Variants in PMP22 observed in about 807,000 individuals in gnomAD.
The protein encoded by PMP22 is Charcot-Marie-Tooth neuropathy 1A (greatly reduced nerve conduction velocity, hereditary motor sensory neuropathy Ia).
In PMP22, 2 loss-of-function variants were observed where a neutral mutation model predicts 18.9. The observed-to-expected ratio is 0.11, with a 90% CI of 0.04 to 0.33. The LOEUF is 0.33. PMP22 is among the 10% of genes least tolerant of loss of function. The pLI is 1.00. For synonymous variants in PMP22, 95 were observed against 89.2 expected, an observed-to-expected ratio of 1.07 and a Z score of -0.37; for missense variants, 169 against 202.2, an observed-to-expected ratio of 0.84 and a Z score of 1.00.
At chr17:15,242,239 G>A (rs1180914097) in intron 3 of PMP22, among the ~76,000 whole-genome samples, 2 of 110,108 alleles carry the variant, frequency 1.8e-5, no homozygotes, top group Admixed American at 1.3e-4. Flanking sequence ...GGCACAGAGA[G>A]AGACTCTGTC....
In PMP22 at chr17:15,258,737, C is replaced by T. The variant is rs1952760484; in HGVS notation, c.178+357G>A. On this transcript the variant is annotated intron_variant, in intron 3 of 4. Coordinates refer to ENST00000312280, the MANE Select transcript of PMP22 (RefSeq NM_000304.4). This position sits in a 1 kb window ranked among gnomAD's most constrained non-coding sequence, Gnocchi z 4.1. Reference sequence around the variant, plus strand: ...AGAGACAGCCACCAAACCAAAGATACACGTTTGATCCAATGTCCCAAGGGG... The same window carrying T: ...AGAGACAGCCACCAAACCAAAGATATACGTTTGATCCAATGTCCCAAGGGG... The T allele has an allele frequency of 1.1e-5, 4 of 351,808 alleles. No homozygotes were observed. The highest frequency in any genetic ancestry group is 9.5e-5 in the South Asian group (4 of 42,250). 21.8% of individuals were successfully genotyped at this position (351,808 alleles called of 1,614,324 possible). A position where few individuals can be genotyped will look rare whatever the true frequency, so the allele number is the denominator to read the frequency against.
At chr17:15,232,857 G>A (rs1234410815) in intron 4 of PMP22, among the ~76,000 whole-genome samples, 6 of 152,266 alleles carry the variant, frequency 3.9e-5, no homozygotes, top group African/African-American at 2.4e-5. Flanking sequence ...GAAGTGCAGC[G>A]ACTAACTACA....
chr17:15,247,629 A>G (rs1033966418), intron 3 of PMP22, among the ~76,000 whole-genome samples: 2 of 152,202 alleles, frequency 1.3e-5, no homozygotes, highest in African/African-American at 2.4e-5. Context: ...AGGGCCTACA[A>G]CCTAGTGAGT....
At chr17:15,236,124 A>G (rs75522160) in intron 4 of PMP22, among the ~76,000 whole-genome samples, 4,838 of 151,568 alleles carry the variant, frequency 0.032, 248 homozygotes, top group African/African-American at 0.11. Context: ...GGTTGAAAGC[A>G]CTGAACTAAA....
At chr17:15,247,055 C>A in intron 3 of PMP22, among the ~76,000 whole-genome samples, 1 of 86,058 alleles carries the variant, frequency 1.2e-5, no homozygotes. Context: ...GGAAACAGAG[C>A]AAGACTCGTC....
At chr17:15,262,869 A>C in intron 1 of PMP22, among the ~76,000 whole-genome samples, 1 of 151,930 alleles carries the variant, frequency 6.6e-6, no homozygotes, top group Non-Finnish European at 1.5e-5. Context: ...CTCTGGGAAG[A>C]CCCAGCCAAA....
chr17:15,247,449 A>G (rs1247701661), intron 3 of PMP22, among the ~76,000 whole-genome samples: 3 of 152,218 alleles, frequency 2.0e-5, no homozygotes, highest in African/African-American at 7.2e-5. Flanking sequence ...AGAGCTGCTG[A>G]CAGCTTTCTG....
chr17:15,243,359 A>G (rs1414283400), intron 3 of PMP22, among the ~76,000 whole-genome samples: 1 of 152,104 alleles, frequency 6.6e-6, no homozygotes, highest in Non-Finnish European at 1.5e-5. Flanking sequence ...CATCCAAAAT[A>G]ATCTACAAAT....
chr17:15,256,279 A>G lies in PMP22; in HGVS notation c.178+2815T>C, dbSNP rs1378257204. 1.3e-5 allele frequency among the ~76,000 whole-genome samples: 2 copies of G among 152,186 alleles called. 1 individual carries two copies. Among genetic ancestry groups the G allele is most frequent in the Non-Finnish European group, 2.9e-5 (2 of 68,020 alleles). On this transcript the variant is annotated intron_variant, in intron 3 of 4. Coordinates refer to ENST00000312280, the MANE Select transcript of PMP22 (RefSeq NM_000304.4). ...AGGCCCCATTCATGTAGAAAACAAC[A>G]TGAGTGGCAACCCCCAGAGAGAGGT...
intron 1 of PMP22, 37 bp from the exon 2 acceptor site, chr17:15,260,798 T>C (rs1165872826): frequency 7.3e-7 from 1 of 1,362,250 alleles, no homozygotes; most frequent in African/African-American, 1.4e-5. Context: ...CCGAACGCAC[T>C]GGGCCGAGCG....
chr17:15,259,000 G>C lies in PMP22; in HGVS notation c.178+94C>G. 2 of 927,572 alleles carry C rather than the reference G, an allele frequency of 2.2e-6. No individual in the cohort carries two copies. Among genetic ancestry groups the C allele is most frequent in the Middle Eastern group, 5.2e-4 (2 of 3,838 alleles). 57.5% of individuals were successfully genotyped at this position (927,572 alleles called of 1,614,324 possible). On this transcript the variant is annotated intron_variant, in intron 3 of 4. Transcript: ENST00000312280. This position sits in a 1 kb window ranked among gnomAD's most constrained non-coding sequence, Gnocchi z 4.1. ...ACCCCACCCCAGCAACGACATTCTG[G>C]CTTGTGTCTTCCAATAAGCGTTTCC...
intron 2 of PMP22, 28 bp downstream of exon 2, chr17:15,260,622 G>A (rs1281150060): frequency 5.2e-6 from 8 of 1,539,400 alleles, no homozygotes; most frequent in South Asian, 1.2e-5. Flanking sequence ...GGCGGGCCGC[G>A]CAGGGAGCCT....
Position 15,260,810 on chromosome 17 carries a change from C to T in PMP22, c.-34-49G>A, listed in dbSNP as rs1408449931. The T allele has an allele frequency of 4.0e-6, 5 of 1,255,808 alleles. No individual in the cohort carries two copies. The East Asian group carries it at 7.6e-5, about 19-fold the overall frequency. 77.8% of individuals were successfully genotyped at this position (1,255,808 alleles called of 1,614,324 possible). A position where few individuals can be genotyped will look rare whatever the true frequency, so the allele number is the denominator to read the frequency against. ...AGGCCGAACGCACTGGGCCGAGCGA[C>T]GGAGGCGCGCGCAGAGGGAGGGTCC... On this transcript the variant is annotated intron_variant, in intron 1 of 4. Coordinates refer to ENST00000312280, the MANE Select transcript of PMP22 (RefSeq NM_000304.4).
intron 3 of PMP22, among the ~76,000 whole-genome samples, chr17:15,251,236 C>T (rs1455153881): frequency 6.6e-6 from 1 of 152,320 alleles, no homozygotes; most frequent in East Asian, 1.9e-4. Context: ...AGAGGCCTTC[C>T]CTGAGCAGCT....
At chr17:15,235,712 G>C (rs1222116801) in intron 4 of PMP22, among the ~76,000 whole-genome samples, 3 of 152,068 alleles carry the variant, frequency 2.0e-5, no homozygotes, top group African/African-American at 7.2e-5. Flanking sequence ...TATTAAATGA[G>C]AGTCTCCAGG....
At chr17:15,247,515 GA>G (rs1489172258) in intron 3 of PMP22, among the ~76,000 whole-genome samples, 2 of 152,186 alleles carry the variant, frequency 1.3e-5, no homozygotes, top group Non-Finnish European at 2.9e-5. Context: ...TGGGAAGCTC[GA>G]GTTGCACAAA....
intron 4 of PMP22, chr17:15,235,323 A>G: frequency 1.4e-6 from 1 of 717,384 alleles, no homozygotes; most frequent in Non-Finnish European, 2.6e-6. Flanking sequence ...TCCAACCAAT[A>G]ATAGTTTTAT....
chr17:15,260,849 A>T (rs1909271193), intron 1 of PMP22, 88 bp from the exon 2 acceptor site: 1 of 954,442 alleles, frequency 1.0e-6, no homozygotes, highest in Admixed American at 2.0e-5. Context: ...GCACTAGCGG[A>T]AGGCCCGGCC....
intron 3 of PMP22, among the ~76,000 whole-genome samples, chr17:15,243,105 T>C (rs1907494400): frequency 6.6e-6 from 1 of 152,048 alleles, no homozygotes; most frequent in Admixed American, 6.6e-5. Flanking sequence ...TGAACTACAC[T>C]TTCAACTCAA....
Sources: allele counts gnomAD v4.1 joint callset (sites outside exome capture counted in the v4.1 genomes callset), GRCh38; gene constraint gnomAD v4.1.1; non-coding constraint Gnocchi (gnomAD v3.1); transcripts MANE v1.5; gene names NCBI Gene and HGNC (gene_info 2026-07-23, HGNC 2026-07-21).